Variants in ATP11A observed in about 807,000 individuals in gnomAD.
ATP11A encodes phospholipid-transporting ATPase IH.
A neutral mutation model predicts 154.4 loss-of-function variants in ATP11A; 81 were observed. The ratio of observed to expected loss-of-function variants is 0.52; its 90% CI spans 0.44 to 0.63. ATP11A has a LOEUF of 0.63. Among genes scored for constraint, ATP11A ranks in the 30% least tolerant of loss-of-function variants. ATP11A has a pLI of 0.00. For synonymous variants in ATP11A, 623 were observed against 585.9 expected (o/e 1.06, Z -0.91); for missense variants, 1,316 against 1,474.3 (o/e 0.89, Z 1.76).
chr13:112,731,256 A>G lies in ATP11A; in HGVS notation c.39+40801A>G, dbSNP rs1236496240. Among the ~76,000 whole-genome samples, 4 of 152,204 alleles carry G rather than the reference A, an allele frequency of 2.6e-5. 1 individual carries two copies. The South Asian group carries it at 8.3e-4, about 31-fold the overall frequency. ...AGTGCTGGGATTACAGGCATGAGCT[A>G]CTGTGTCCGGCCTCCTATACAGTCT... is the stretch of plus-strand genomic sequence containing the variant. On this transcript the variant is annotated intron_variant, in intron 1 of 29. Transcript: ENST00000375645.
rs1324394941 is a variant in ATP11A, at chr13:112,761,630, A to AATCCCCT, written c.40-23505_40-23504insATCCCCT. Among the ~76,000 whole-genome samples, 142 of 137,046 alleles carry AATCCCCT rather than the reference A, an allele frequency of 1.0e-3. 12 individuals are homozygous for AATCCCCT. Among genetic ancestry groups the AATCCCCT allele is most frequent in the African/African-American group, 3.5e-3 (130 of 37,588 alleles). The allele number at this position is 137,046 out of a possible 152,430, so 89.9% of individuals were successfully genotyped here. On this transcript the variant is annotated intron_variant, in intron 1 of 29. Transcript: ENST00000375645. ...GTTTGGGTACTATCTCGGATTCAGG[A>AATCCCCT]GTCCCCTGGGGTCTTAGAAGCACCC... is the stretch of plus-strand genomic sequence containing the variant.
chr13:112,810,534 AC>A (rs1489036067), intron 4 of ATP11A, 84 bp from the exon 5 acceptor site: 2 of 1,146,818 alleles, frequency 1.7e-6, no homozygotes, highest in East Asian at 2.3e-5. Flanking sequence ...ACATAATTAA[AC>A]ACAAGCCTTC....
In ATP11A at chr13:112,822,174, C is replaced by G. The variant is rs138670990; in HGVS notation, c.726-1171C>G. ...GCAAACACTTTTGACCCTTTACCCT[C>G]TGAAGCAATCCTCTGAATGTTATCA... is the stretch of plus-strand genomic sequence containing the variant. On this transcript the variant is annotated intron_variant, in intron 8 of 29. Coordinates refer to ENST00000375645, the MANE Select transcript of ATP11A (RefSeq NM_015205.3). Among the ~76,000 whole-genome samples the G allele has an allele frequency of 8.5e-4, 130 of 152,366 alleles. 2 individuals carry two copies. The East Asian group carries it at 0.02, about 23-fold the overall frequency.
At chr13:112,764,020 A>G (rs1046203506) in intron 1 of ATP11A, among the ~76,000 whole-genome samples, 8 of 152,268 alleles carry the variant, frequency 5.3e-5, no homozygotes, top group Admixed American at 6.5e-5. Flanking sequence ...GAGCCATTTC[A>G]GATACTTTTT....
At chr13:112,723,436 T>C (rs1889453479) in intron 1 of ATP11A, among the ~76,000 whole-genome samples, 1 of 147,298 alleles carries the variant, frequency 6.8e-6, no homozygotes, top group South Asian at 2.2e-4. Flanking sequence ...CACACCTGAC[T>C]AACTTTTGTA....
At chr13:112,880,614 C>A in intron 29 of ATP11A, 1 of 1,298,482 alleles carries the variant, frequency 7.7e-7, no homozygotes, top group Non-Finnish European at 1.0e-6. Context: ...TGAAGGACCT[C>A]CTACGGCGGC....
rs1195599965 is a variant in ATP11A, at chr13:112,838,206, C to T, written c.1705+1955C>T. Among the ~76,000 whole-genome samples the T allele has an allele frequency of 6.6e-6, 1 of 152,146 alleles. No homozygotes were observed. The highest frequency in any genetic ancestry group is 6.5e-5 in the Admixed American group (1 of 15,274). On this transcript the variant is annotated intron_variant, in intron 16 of 29. Transcript: ENST00000375645. The surrounding 1 kb of genome is among the most constrained non-coding windows in gnomAD (Gnocchi z 7.3). ...TTCTGTGTGTCAGAACCCTTCCCCC[C>T]GGCTCGGATGAGGCGCAGTCCTGAG...
chr13:112,852,690 C>T (rs917212100), intron 18 of ATP11A, among the ~76,000 whole-genome samples: 4 of 148,958 alleles, frequency 2.7e-5, no homozygotes, highest in Admixed American at 6.9e-5. Flanking sequence ...GGGATGCCTC[C>T]GGCAGAGCAG....
chr13:112,792,759 C>G (rs886727240), intron 2 of ATP11A, among the ~76,000 whole-genome samples: 7 of 152,154 alleles, frequency 4.6e-5, no homozygotes, highest in African/African-American at 1.4e-4. Flanking sequence ...GCTTGCACCC[C>G]CCACGTGGGG....
chr13:112,810,739 C>G lies in ATP11A; in HGVS notation c.441+13C>G. The G allele has an allele frequency of 1.2e-6, 2 of 1,610,586 alleles. No homozygotes were observed. ...TCGAAAGCTGCGAGTAAGTGACACC[C>G]GACACATTTACGCTGGTGAAGTCCA... is the stretch of plus-strand genomic sequence containing the variant. On this transcript the variant is annotated intron_variant, in intron 5 of 29. Transcript: ENST00000375645.
At position 112,724,586 on chromosome 13, in the gene ATP11A, A is replaced by G. The variant is rs74115456; in HGVS notation, c.39+34131A>G. Among the ~76,000 whole-genome samples the G allele has an allele frequency of 1.0e-3, 153 of 151,440 alleles. 1 individual carries two copies. Among genetic ancestry groups the G allele is most frequent in the African/African-American group, 3.5e-3 (145 of 41,348 alleles). On this transcript the variant is annotated intron_variant, in intron 1 of 29. Transcript: ENST00000375645. ...CACTGCTTGGGGGTCTCATCACACT[A>G]TTGGCCAAGAGATTGAGTTCAGTCT...
intron 1 of ATP11A, among the ~76,000 whole-genome samples, chr13:112,715,171 T>G (rs1294797425): frequency 6.6e-6 from 1 of 151,786 alleles, no homozygotes; most frequent in African/African-American, 2.4e-5. Flanking sequence ...TTGGGTTGTT[T>G]CCTGCGGCAG....
intron 5 of ATP11A, among the ~76,000 whole-genome samples, chr13:112,814,207 G>A (rs1375774547): frequency 6.6e-6 from 1 of 152,062 alleles, no homozygotes; most frequent in African/African-American, 2.4e-5. Context: ...GGGATTACAG[G>A]CGTGCACCAC....
chr13:112,834,479 A>G, intron 14 of ATP11A, 110 bp from the exon 15 acceptor site: 1 of 720,690 alleles, frequency 1.4e-6, no homozygotes, highest in Non-Finnish European at 2.5e-6. Context: ...GTTTAACTGA[A>G]AGTATTTCTT....
chr13:112,787,865 T>C (rs60707025), intron 2 of ATP11A, among the ~76,000 whole-genome samples: 2 of 144,214 alleles, frequency 1.4e-5, no homozygotes, highest in African/African-American at 5.3e-5. Flanking sequence ...GTATAGACCC[T>C]TGTGGAGACC....
At chr13:112,769,029 G>A (rs1208237331) in intron 1 of ATP11A, among the ~76,000 whole-genome samples, 1 of 152,192 alleles carries the variant, frequency 6.6e-6, no homozygotes, top group Non-Finnish European at 1.5e-5. Context: ...TTATGTCTGT[G>A]ATTGATGGGG....
intron 17 of ATP11A, among the ~76,000 whole-genome samples, chr13:112,845,292 C>T (rs1566563630): frequency 8.3e-6 from 1 of 120,964 alleles, no homozygotes; most frequent in Non-Finnish European, 1.6e-5. Flanking sequence ...GTCCAGTTGC[C>T]AGGCACTAGT....
In ATP11A at chr13:112,857,879, C is replaced by T; in HGVS notation, c.2480C>T (p.Ala827Val). The T allele has an allele frequency of 6.2e-7, 1 of 1,614,214 alleles. No homozygotes were observed. Residue 827 changes from alanine (A) to valine (V), a missense_variant, in exon 21 of 30, where the codon GCA becomes GTA. By Grantham distance (64) the Ala-to-Val change is moderately conservative (BLOSUM62 0). Around this residue, in one of 5 missense-constraint regions of ATP11A, gnomAD observed 876 missense variants for 1,006.8 expected, o/e 0.87. Transcript: ENST00000375645. ...HPITLAIGDG[A>V]NDVSMILEAH... is the part of the protein sequence containing the mutation. ...ATCACGTTAGCAATTGGCGATGGTG[C>T]AAATGATGTCAGCATGATTCTGGAA...
chr13:112,738,374 A>C (rs685527), intron 1 of ATP11A, among the ~76,000 whole-genome samples: 2 of 91,864 alleles, frequency 2.2e-5, no homozygotes, highest in Non-Finnish European at 2.1e-5. Context: ...ACACCGTCTC[A>C]AAAAGAAAAG....
Sources: gnomAD v4.1 joint callset for allele counts (sites outside exome capture counted in the v4.1 genomes callset) on GRCh38, gnomAD v4.1.1 for gene constraint, gnomAD v4.1.1 regional missense constraint, Gnocchi (gnomAD v3.1) non-coding constraint, MANE v1.5 for transcripts, NCBI Gene and HGNC (gene_info 2026-07-23, HGNC 2026-07-21) for gene names.